PCDHA12: variants seen among roughly 807,000 people sequenced by gnomAD.
PCDHA12 encodes the protein protocadherin alpha-12.
Under a neutral mutation model 60.0 loss-of-function variants are expected in PCDHA12, and 44 were observed. That is an observed-to-expected ratio of 0.73 (90% confidence interval 0.58 to 0.94). PCDHA12 has a LOEUF of 0.94. Among genes scored for constraint, PCDHA12 ranks in the 40% least tolerant of loss-of-function variants. PCDHA12 has a pLI of 0.00. For missense variants in PCDHA12, 1,276 were observed against 1,239.7 expected, an observed-to-expected ratio of 1.03 and a Z score of -0.44; for synonymous variants, 569 against 553.0, an observed-to-expected ratio of 1.03 and a Z score of -0.40.
intron 2 of PCDHA12, among the ~76,000 whole-genome samples, chr5:140,979,601 C>T (rs1214449101): frequency 1.3e-5 from 2 of 152,160 alleles, no homozygotes; most frequent in African/African-American, 4.8e-5. Context: ...TTTAAATTAA[C>T]CTAGAGTAAC....
At position 140,969,313 on chromosome 5, in the gene PCDHA12, G is replaced by A. The variant is rs2096317901; in HGVS notation, c.2368-9636G>A. 3.7e-6 allele frequency: 6 copies of A among 1,614,160 alleles called. No homozygotes were observed. In the East Asian group the frequency reaches 8.9e-5, roughly 24 times the overall value. ...GGAACCTGATTATTCTCAAAAATGAGGCTGTTTCTCAAAATGAGGTGAGAC... is the reference window on the plus strand; with the variant it reads ...GGAACCTGATTATTCTCAAAAATGAAGCTGTTTCTCAAAATGAGGTGAGAC... On this transcript the variant is annotated intron_variant, in intron 1 of 3. Coordinates refer to ENST00000398631, the MANE Select transcript of PCDHA12 (RefSeq NM_018903.4).
intron 1 of PCDHA12, among the ~76,000 whole-genome samples, chr5:140,973,558 T>C (rs1427190876): frequency 6.6e-6 from 1 of 152,238 alleles, no homozygotes; most frequent in Admixed American, 6.5e-5. Flanking sequence ...AATTACCTCT[T>C]TCCTCAATTT....
chr5:141,002,941 C>G (rs964416301), intron 3 of PCDHA12, among the ~76,000 whole-genome samples: 18 of 152,216 alleles, frequency 1.2e-4, no homozygotes, highest in African/African-American at 4.1e-4. Flanking sequence ...CACCCTCCAG[C>G]ACATGCCCCT....
At chr5:140,989,530 AG>A (rs1249109717) in intron 3 of PCDHA12, among the ~76,000 whole-genome samples, 1 of 152,200 alleles carries the variant, frequency 6.6e-6, no homozygotes, top group Non-Finnish European at 1.5e-5. Context: ...CAGAGGAGGA[AG>A]ATAGTTTGTA....
chr5:140,886,944 C>A (rs577897989), intron 1 of PCDHA12, among the ~76,000 whole-genome samples: 2 of 152,010 alleles, frequency 1.3e-5, no homozygotes, highest in African/African-American at 4.8e-5. Context: ...ATGTTCTACA[C>A]ATTAGACATT....
chr5:140,971,541 G>C (rs544682624), intron 1 of PCDHA12, among the ~76,000 whole-genome samples: 1 of 152,290 alleles, frequency 6.6e-6, no homozygotes, highest in Non-Finnish European at 1.5e-5. Flanking sequence ...ATCATTGCCA[G>C]ATCAACCTGT....
At chr5:140,978,473 T>C (rs1401475037) in intron 1 of PCDHA12, among the ~76,000 whole-genome samples, 1 of 152,238 alleles carries the variant, frequency 6.6e-6, no homozygotes, top group Non-Finnish European at 1.5e-5. Flanking sequence ...TCAAATATGC[T>C]GCAGTCTGCA....
At chr5:140,999,892 G>A (rs1329841334) in intron 3 of PCDHA12, among the ~76,000 whole-genome samples, 1 of 152,134 alleles carries the variant, frequency 6.6e-6, no homozygotes, top group Non-Finnish European at 1.5e-5. Context: ...GCTGTAGCTT[G>A]GGACACCAAA....
At chr5:140,990,134 CAA>C (rs2097375582) in intron 3 of PCDHA12, among the ~76,000 whole-genome samples, 2 of 151,958 alleles carry the variant, frequency 1.3e-5, no homozygotes, top group Non-Finnish European at 2.9e-5. Flanking sequence ...AAGTCAGACT[CAA>C]GAGGCATAAT....
chr5:140,966,731 G>T, intron 1 of PCDHA12: 8 of 1,405,136 alleles, frequency 5.7e-6, no homozygotes, highest in Non-Finnish European at 7.4e-6. Context: ...TGCCGCCTCC[G>T]GCCCTGCCCG....
At chr5:140,883,387 T>C in intron 1 of PCDHA12, 1 of 1,614,150 alleles carries the variant, frequency 6.2e-7, no homozygotes, top group Non-Finnish European at 8.5e-7. Flanking sequence ...CCCTAATCAG[T>C]GTGTCCGATC....
At chr5:140,915,023 G>A (rs1273717052) in intron 1 of PCDHA12, among the ~76,000 whole-genome samples, 3 of 147,742 alleles carry the variant, frequency 2.0e-5, no homozygotes, top group African/African-American at 7.5e-5. Context: ...TTGGCTCACT[G>A]CAACTTCTGC....
At chr5:140,928,639 G>A in intron 1 of PCDHA12, 1 of 1,614,218 alleles carries the variant, frequency 6.2e-7, no homozygotes, top group Non-Finnish European at 8.5e-7. Context: ...GGTCACAAAA[G>A]TGGTAGCAGA....
intron 2 of PCDHA12, 129 bp from the exon 3 acceptor site, chr5:140,982,346 G>A: frequency 1.3e-6 from 2 of 1,492,346 alleles, no homozygotes; most frequent in South Asian, 2.7e-5. Context: ...AATTGCTTCA[G>A]TTCAAGCATG....
At chr5:140,909,983 C>T (rs2074810620) in intron 1 of PCDHA12, among the ~76,000 whole-genome samples, 1 of 152,214 alleles carries the variant, frequency 6.6e-6, no homozygotes, top group Non-Finnish European at 1.5e-5. Context: ...GGGAGAAAGA[C>T]TAACAGCATA....
At chr5:140,894,043 C>G (rs1562874850) in intron 1 of PCDHA12, among the ~76,000 whole-genome samples, 1 of 152,050 alleles carries the variant, frequency 6.6e-6, no homozygotes, top group Non-Finnish European at 1.5e-5. Flanking sequence ...AATGTAAGTC[C>G]TCTGTTGAAT....
At chr5:140,988,831 A>G (rs1005821454) in intron 3 of PCDHA12, 6 of 152,208 alleles carry the variant, frequency 3.9e-5, no homozygotes, top group Non-Finnish European at 7.3e-5. Flanking sequence ...AACAGAGATC[A>G]CGTGTCTCCT....
In PCDHA12 at chr5:141,012,021, A is replaced by T. The variant is rs1428323351; in HGVS notation, c.*2084A>T. 6.5e-6 allele frequency: 1 copy of T among 153,734 alleles called. No individual in the cohort carries two copies. The highest frequency in any genetic ancestry group is 1.5e-5 in the Non-Finnish European group (1 of 68,044). 9.5% of individuals were successfully genotyped at this position (153,734 alleles called of 1,614,324 possible). The stretch of plus-strand genomic sequence containing the variant: ...CATATTTTGAAGGGTGTGTAACTTC[A>T]GCTCTGCAGGATTGCATGGGGTAAA... On this transcript the variant is annotated 3_prime_UTR_variant, in exon 4 of 4. Transcript: ENST00000398631.
intron 1 of PCDHA12, among the ~76,000 whole-genome samples, chr5:140,965,140 TG>T (rs1191631396): frequency 2.0e-5 from 3 of 152,150 alleles, no homozygotes; most frequent in Non-Finnish European, 4.4e-5. Flanking sequence ...GACAGAATAC[TG>T]GGAGATGAAG....
Sources: allele counts gnomAD v4.1 joint callset (sites outside exome capture counted in the v4.1 genomes callset), GRCh38; gene constraint gnomAD v4.1.1; transcripts MANE v1.5; gene names NCBI Gene and HGNC (gene_info 2026-07-23, HGNC 2026-07-21).